The following SLC16A4 variants were observed in gnomAD, a reference collection of about 807,000 sequenced individuals.
SLC16A4 encodes the protein probable monocarboxylate transporter 5.
In SLC16A4, 39 loss-of-function variants were observed where a neutral mutation model predicts 47.9. The observed-to-expected ratio is 0.81, with a 90% CI of 0.63 to 1.06. The LOEUF (loss-of-function observed/expected upper bound fraction) is 1.06. Ranked by LOEUF, SLC16A4 falls within the 50% of genes least tolerant of loss-of-function variation. The pLI is 0.00. For missense variants in SLC16A4, 524 were observed against 573.8 expected (o/e 0.91, Z 0.89); for synonymous variants, 189 against 199.9 (o/e 0.95, Z 0.46).
chr1:110,375,644 C>T, intron 7 of SLC16A4, 93 bp from the exon 8 acceptor site: 1 of 717,386 alleles, frequency 1.4e-6, no homozygotes. Context: ...TATATCATCT[C>T]AAGCTATGAA....
At chr1:110,366,320 G>C (rs538904935) in intron 8 of SLC16A4, among the ~76,000 whole-genome samples, 3 of 151,954 alleles carry the variant, frequency 2.0e-5, no homozygotes, top group Non-Finnish European at 4.4e-5. Context: ...ACCACACCCG[G>C]CTCATTTTTT....
chr1:110,389,267 C>A lies in SLC16A4; in HGVS notation c.57G>T (p.Trp19Cys). The change falls in exon 2 of 9, where the codon TGG (tryptophan) becomes TGT (cysteine). Residue 19 changes from tryptophan (W) to cysteine (C), a missense_variant. Trp to Cys is a radical substitution (Grantham distance 215). Transcript: ENST00000369779. ...QPYTKTLDGG[W>C]GWMIVIHFFL... Reference sequence around the variant, plus strand: ...AAAAATGAATCACAATCATCCATCCCCATCCTCCATCCAGGGTTTTAGTGT... The same window carrying A: ...AAAAATGAATCACAATCATCCATCCACATCCTCCATCCAGGGTTTTAGTGT... 1 of 1,613,976 alleles carries A rather than the reference C, an allele frequency of 6.2e-7. No homozygotes were observed. Among genetic ancestry groups the A allele is most frequent in the Non-Finnish European group, 8.5e-7 (1 of 1,179,822 alleles).
Position 110,379,234 on chromosome 1 carries a change from C to CCTTTATCTTTA in SLC16A4, c.648_649insTAAAGATAAAG (p.Ala217Ter). On this transcript the variant is annotated stop_gained and frameshift_variant, in exon 6 of 9. Transcript: ENST00000369779. LOFTEE classifies it high-confidence loss of function. ...GTTGCATGTGCCTCTGGACCATGTG[C>CCTTTATCTTTA]AGACAAACTGCTGCCTTTATCTTTA... The CCTTTATCTTTA allele has an allele frequency of 6.2e-7, 1 of 1,614,186 alleles. No homozygotes were observed. Among genetic ancestry groups the CCTTTATCTTTA allele is most frequent in the Non-Finnish European group, 8.5e-7 (1 of 1,180,046 alleles).
At chr1:110,368,064 G>A (rs1475065614) in intron 8 of SLC16A4, among the ~76,000 whole-genome samples, 1 of 152,150 alleles carries the variant, frequency 6.6e-6, no homozygotes, top group Non-Finnish European at 1.5e-5. Flanking sequence ...TCCTGACCTC[G>A]TGATCTGCCC....
chr1:110,379,231 G>GC lies in SLC16A4; in HGVS notation c.651_652insG (p.His218AlafsTer14). ...TCTGTTGCATGTGCCTCTGGACCAT[G>GC]TGCAGACAAACTGCTGCCTTTATCT... On this transcript the variant is annotated frameshift_variant, in exon 6 of 9. Transcript: ENST00000369779. LOFTEE classifies it high-confidence loss of function. 1 of 1,614,158 alleles carries GC rather than the reference G, an allele frequency of 6.2e-7. No homozygotes were observed. The highest frequency in any genetic ancestry group is 8.5e-7 in the Non-Finnish European group (1 of 1,180,030).
rs1662888339 is a variant in SLC16A4 at position 110,389,172 on chromosome 1, C to G, written c.87+65G>C. ...TAAGTGATCCTATTCGTAGGCAGCT[C>G]TGAGCCTTTCTCCAGAAAGCCTGCT... On this transcript the variant is annotated intron_variant, in intron 2 of 8. Coordinates refer to ENST00000369779, the MANE Select transcript of SLC16A4 (RefSeq NM_004696.3). 5 of 1,315,318 alleles carry G rather than the reference C, an allele frequency of 3.8e-6. No individual in the cohort carries two copies. In the East Asian group the frequency reaches 1.1e-4, roughly 30 times the overall value. 81.5% of individuals were successfully genotyped at this position (1,315,318 alleles called of 1,614,324 possible). A position where few individuals can be genotyped will look rare whatever the true frequency, so the allele number is the denominator to read the frequency against.
At chr1:110,365,580 T>C (rs1413272593) in intron 8 of SLC16A4, among the ~76,000 whole-genome samples, 2 of 152,294 alleles carry the variant, frequency 1.3e-5, no homozygotes, top group South Asian at 4.1e-4. Context: ...GACAAGTCTT[T>C]GTGTTATGTT....
intron 4 of SLC16A4, 91 bp from the exon 5 acceptor site, chr1:110,381,234 C>CTA: frequency 8.0e-7 from 1 of 1,246,096 alleles, no homozygotes; most frequent in Non-Finnish European, 1.1e-6. Context: ...GATAATACAG[C>CTA]TAGGCCTTTT....
chr1:110,387,813 G>C (rs1371259235), intron 2 of SLC16A4, among the ~76,000 whole-genome samples: 1 of 29,986 alleles, frequency 3.3e-5, no homozygotes, highest in Non-Finnish European at 7.5e-5. Context: ...TTCCCTATTA[G>C]TAACATTTCT....
At chr1:110,385,968 T>C (rs1341423804) in intron 2 of SLC16A4, among the ~76,000 whole-genome samples, 7 of 152,360 alleles carry the variant, frequency 4.6e-5, no homozygotes, top group African/African-American at 1.7e-4. Context: ...ATGTGATGAT[T>C]GTGTCCTCTC....
intron 1 of SLC16A4, among the ~76,000 whole-genome samples, chr1:110,390,408 G>A (rs923201439): frequency 1.3e-5 from 2 of 152,086 alleles, no homozygotes; most frequent in Non-Finnish European, 2.9e-5. Flanking sequence ...AACGAAATGC[G>A]ATACCCGCTT....
At position 110,363,850 on chromosome 1, in the gene SLC16A4, G is replaced by A. The variant is rs1204541285; in HGVS notation, c.1380C>T (p.Tyr460=). ...DYTQTYNGSF[Y]FSGICYLLSS... ...AGAGGAGATAGCATATGCCAGAGAA[G>A]TAGAAAGAGCCATTGTATGTCTGGG... The change falls in exon 9 of 9, where the codon TAC becomes TAT. Residue 460 remains tyrosine (Y), a synonymous_variant. Coordinates refer to ENST00000369779, the MANE Select transcript of SLC16A4 (RefSeq NM_004696.3). The A allele has an allele frequency of 1.2e-6, 2 of 1,613,308 alleles. No individual in the cohort carries two copies. Among genetic ancestry groups the A allele is most frequent in the Non-Finnish European group, 8.5e-7 (1 of 1,179,640 alleles).
chr1:110,375,890 T>C (rs1034564449), intron 7 of SLC16A4, among the ~76,000 whole-genome samples: 3 of 152,196 alleles, frequency 2.0e-5, no homozygotes, highest in South Asian at 2.1e-4. Context: ...AATAGTGATA[T>C]TCTTTTTGAG....
intron 7 of SLC16A4, among the ~76,000 whole-genome samples, chr1:110,375,993 G>T (rs764620255): frequency 3.3e-5 from 5 of 151,984 alleles, no homozygotes; most frequent in Non-Finnish European, 7.4e-5. Context: ...GATCCTCCCA[G>T]TTACTTCCAA....
intron 8 of SLC16A4, among the ~76,000 whole-genome samples, chr1:110,368,356 T>C (rs1436978907): frequency 6.6e-6 from 1 of 152,230 alleles, no homozygotes; most frequent in Non-Finnish European, 1.5e-5. Context: ...TTACTGTATG[T>C]AGCCAGCACT....
chr1:110,368,625 A>G (rs985780557), intron 8 of SLC16A4, among the ~76,000 whole-genome samples: 4 of 152,200 alleles, frequency 2.6e-5, no homozygotes, highest in Non-Finnish European at 4.4e-5. Context: ...ATCTATGGCT[A>G]TAGGACTTGT....
chr1:110,382,704 T>G, intron 3 of SLC16A4, 130 bp downstream of exon 3: 1 of 908,960 alleles, frequency 1.1e-6, no homozygotes, highest in Non-Finnish European at 1.6e-6. Flanking sequence ...CCTTACTTTC[T>G]CAGCGTTACA....
At chr1:110,377,816 ATTTATTTATTTTTAT>A in intron 6 of SLC16A4, among the ~76,000 whole-genome samples, 1 of 151,880 alleles carries the variant, frequency 6.6e-6, no homozygotes, top group Non-Finnish European at 1.5e-5. Flanking sequence ...GTTTTTATTT[ATTTATTTATTTTTAT>A]TTTATTATTA....
intron 8 of SLC16A4, 62 bp downstream of exon 8, chr1:110,375,396 C>T (rs773760209): frequency 1.1e-6 from 1 of 917,368 alleles, no homozygotes; most frequent in Non-Finnish European, 1.8e-6. Flanking sequence ...ACCATTAATC[C>T]TGGATCAGTT....
Sources: gnomAD v4.1 joint callset for allele counts (sites outside exome capture counted in the v4.1 genomes callset) on GRCh38, gnomAD v4.1.1 for gene constraint, MANE v1.5 for transcripts, NCBI Gene and HGNC (gene_info 2026-07-23, HGNC 2026-07-21) for gene names.